COQ10B: variants seen among roughly 807,000 people sequenced by gnomAD.
COQ10B encodes the protein coenzyme Q-binding protein COQ10 homolog B, mitochondrial.
Under a neutral mutation model 27.6 loss-of-function variants are expected in COQ10B, and 12 were observed. The ratio of observed to expected loss-of-function variants is 0.43; its 90% CI spans 0.28 to 0.70. The LOEUF (loss-of-function observed/expected upper bound fraction) is 0.70. Ranked by LOEUF, COQ10B falls within the 30% of genes least tolerant of loss-of-function variation. COQ10B has a pLI of 0.17. For synonymous variants in COQ10B, 115 were observed against 103.0 expected (o/e 1.12, Z -0.71); for missense variants, 278 against 288.7 (o/e 0.96, Z 0.27).
chr2:197,457,718 T>G (rs1574578329), intron 1 of COQ10B, among the ~76,000 whole-genome samples: 1 of 151,362 alleles, frequency 6.6e-6, no homozygotes, highest in Admixed American at 6.6e-5. Flanking sequence ...GCGTCCCAGG[T>G]TCAAGCATTT....
chr2:197,463,311 A>C (rs2085781487), intron 3 of COQ10B, among the ~76,000 whole-genome samples: 1 of 151,946 alleles, frequency 6.6e-6, no homozygotes, highest in South Asian at 2.1e-4. Flanking sequence ...GTCTCTACTA[A>C]AAATACAAAA....
chr2:197,465,914 A>G (rs1465148822), intron 3 of COQ10B, among the ~76,000 whole-genome samples: 1 of 152,138 alleles, frequency 6.6e-6, no homozygotes, highest in African/African-American at 2.4e-5. Flanking sequence ...CAACACGGTG[A>G]AACCCCATCT....
intron 4 of COQ10B, among the ~76,000 whole-genome samples, chr2:197,472,003 G>A (rs1027621860): frequency 4.6e-5 from 7 of 151,096 alleles, no homozygotes; most frequent in Non-Finnish European, 8.8e-5. Context: ...TTAGATAATA[G>A]CATTATTATC....
At chr2:197,473,046 A>C (rs956349860) in intron 4 of COQ10B, among the ~76,000 whole-genome samples, 1 of 152,152 alleles carries the variant, frequency 6.6e-6, no homozygotes, top group African/African-American at 2.4e-5. Context: ...GTCTTCTCTT[A>C]TTAAGAAACA....
At chr2:197,453,756 C>T (rs2106042031) in intron 1 of COQ10B, 92 bp downstream of exon 1, 1 of 1,193,050 alleles carries the variant, frequency 8.4e-7, no homozygotes. Context: ...GAGGCAGAGC[C>T]GGACTCGGTG....
intron 4 of COQ10B, among the ~76,000 whole-genome samples, chr2:197,472,949 T>G (rs770507204): frequency 1.3e-5 from 2 of 152,234 alleles, no homozygotes; most frequent in African/African-American, 2.4e-5. Flanking sequence ...TCCTTCCTTA[T>G]TTCCTTTTGT....
chr2:197,454,129 T>G (rs1347051974), intron 1 of COQ10B: 2 of 1,550,534 alleles, frequency 1.3e-6, no homozygotes, highest in African/African-American at 2.7e-5. Context: ...TGCTTTGCCC[T>G]CGCCATTTAG....
At chr2:197,468,015 C>T (rs930588461) in intron 3 of COQ10B, among the ~76,000 whole-genome samples, 1 of 152,188 alleles carries the variant, frequency 6.6e-6, no homozygotes, top group South Asian at 2.1e-4. Context: ...ACAGCTTCTA[C>T]TATTCAGTAT....
At position 197,453,651 on chromosome 2, in the gene COQ10B, G is replaced by C; in HGVS notation, c.91G>C (p.Val31Leu). 1 of 1,613,630 alleles carries C rather than the reference G, an allele frequency of 6.2e-7. No homozygotes were observed. The highest frequency in any genetic ancestry group is 8.5e-7 in the Non-Finnish European group (1 of 1,179,680). ...GACAGCGGCCGGGGCGCAGGCGCCCGTGCGGAATGGCAGGTAATCAACAGC... is the reference window on the plus strand; with the variant it reads ...GACAGCGGCCGGGGCGCAGGCGCCCCTGCGGAATGGCAGGTAATCAACAGC... ...SATAAGAQAPVRNGRYLASCG... is the reference protein window; with the variant it reads ...SATAAGAQAPLRNGRYLASCG... Residue 31 changes from valine to leucine, a missense_variant, in exon 1 of 5, where the codon GTG becomes CTG. Transcript: ENST00000263960.
intron 3 of COQ10B, 95 bp from the exon 4 acceptor site, chr2:197,469,975 T>C: frequency 1.4e-6 from 1 of 705,368 alleles, no homozygotes; most frequent in Non-Finnish European, 2.4e-6. Flanking sequence ...AATTATTACT[T>C]ATGAAAGAAA....
In COQ10B at chr2:197,470,135, T is replaced by G; in HGVS notation, c.513T>G (p.Leu171=). The stretch of plus-strand genomic sequence containing the variant: ...CTATTTGGCGTTTTAGCCCAGGTCT[T>G]CCTGGCTACCCAAGAACTTGTACCT... ...LETIWRFSPG[L]PGYPRTCTLD... is the part of the protein sequence containing the mutation. Residue 171 remains leucine, a synonymous_variant, in exon 4 of 5, where the codon CTT becomes CTG. Transcript: ENST00000263960. 6.2e-7 allele frequency: 1 copy of G among 1,613,172 alleles called. No homozygotes were observed. The highest frequency in any genetic ancestry group is 8.5e-7 in the Non-Finnish European group (1 of 1,179,230).
intron 3 of COQ10B, among the ~76,000 whole-genome samples, chr2:197,468,285 G>GA (rs907825403): frequency 6.6e-6 from 1 of 151,132 alleles, no homozygotes; most frequent in Non-Finnish European, 1.5e-5. Flanking sequence ...GTAAAAATAC[G>GA]AAAAAAAATT....
At chr2:197,466,046 C>T (rs763800406) in intron 3 of COQ10B, among the ~76,000 whole-genome samples, 1 of 152,024 alleles carries the variant, frequency 6.6e-6, no homozygotes, top group African/African-American at 2.4e-5. Context: ...GAGCCGAGAT[C>T]GCGCCATTGC....
intron 3 of COQ10B, among the ~76,000 whole-genome samples, chr2:197,469,392 T>C (rs1343942552): frequency 6.6e-6 from 1 of 152,196 alleles, no homozygotes. Flanking sequence ...TTTTTTATGA[T>C]ACAAAATAGG....
At chr2:197,469,872 GAA>G (rs374357908) in intron 3 of COQ10B, among the ~76,000 whole-genome samples, 196 bp from the exon 4 acceptor site, 6 of 139,110 alleles carry the variant, frequency 4.3e-5, no homozygotes, top group Non-Finnish European at 3.1e-5. Flanking sequence ...ATCCCTGCAG[GAA>G]AAAAAAAAAA....
At chr2:197,473,522 A>C (rs2085915115) in intron 4 of COQ10B, among the ~76,000 whole-genome samples, 1 of 142,732 alleles carries the variant, frequency 7.0e-6, no homozygotes, top group African/African-American at 2.7e-5. Context: ...ATATATACAC[A>C]CACACACACA....
chr2:197,453,665 G>A lies in COQ10B; in HGVS notation c.104+1G>A. 6.2e-7 allele frequency: 1 copy of A among 1,611,900 alleles called. No individual in the cohort carries two copies. Among genetic ancestry groups the A allele is most frequent in the Non-Finnish European group, 8.5e-7 (1 of 1,178,164 alleles). On this transcript the variant is annotated splice_donor_variant, in intron 1 of 4. Coordinates refer to ENST00000263960, the MANE Select transcript of COQ10B (RefSeq NM_025147.5). LOFTEE classifies it high-confidence loss of function. ...CGCAGGCGCCCGTGCGGAATGGCAG[G>A]TAATCAACAGCGGGGGCGCTGAGAC...
At chr2:197,469,127 T>A (rs1471671862) in intron 3 of COQ10B, among the ~76,000 whole-genome samples, 1 of 152,254 alleles carries the variant, frequency 6.6e-6, no homozygotes, top group Non-Finnish European at 1.5e-5. Flanking sequence ...CTCAGTCTCC[T>A]GGGCTCAAGC....
intron 1 of COQ10B, chr2:197,454,329 C>T (rs527898201): frequency 4.0e-6 from 2 of 499,460 alleles, no homozygotes; most frequent in African/African-American, 2.0e-5. Context: ...TTTCCTTTTA[C>T]TAATAACATT....
Sources: allele counts gnomAD v4.1 joint callset (sites outside exome capture counted in the v4.1 genomes callset), GRCh38; gene constraint gnomAD v4.1.1; transcripts MANE v1.5; gene names NCBI Gene and HGNC (gene_info 2026-07-23, HGNC 2026-07-21).